ANKHD1: variants seen among roughly 807,000 people sequenced by gnomAD.
ANKHD1 encodes ankyrin repeat and KH domain containing 1.
Under a neutral mutation model 230.5 loss-of-function variants are expected in ANKHD1, and 31 were observed. That is an observed-to-expected ratio of 0.13 (90% CI 0.10 to 0.18). The LOEUF (loss-of-function observed/expected upper bound fraction) is 0.18. Among genes scored for constraint, ANKHD1 ranks in the 10% least tolerant of loss-of-function variants. The probability of loss-of-function intolerance (pLI) is 1.00; values close to 1 mark genes in which losing one functional copy is unlikely to be tolerated. For missense variants in ANKHD1, 2,256 were observed against 3,071.3 expected, an observed-to-expected ratio of 0.73 and a Z score of 6.27; for synonymous variants, 1,074 against 1,117.6, an observed-to-expected ratio of 0.96 and a Z score of 0.78.
At chr5:140,532,116 G>T (rs1039701253) in intron 29 of ANKHD1, among the ~76,000 whole-genome samples, 1 of 151,644 alleles carries the variant, frequency 6.6e-6, no homozygotes, top group South Asian at 2.1e-4. Context: ...CCGAGGCAGG[G>T]GAATCACTTG....
At chr5:140,456,515 A>G (rs900117630) in intron 7 of ANKHD1, among the ~76,000 whole-genome samples, 5 of 152,216 alleles carry the variant, frequency 3.3e-5, no homozygotes, top group Non-Finnish European at 5.9e-5. Context: ...AAACAGAGAT[A>G]TAGACCAATG....
intron 9 of ANKHD1, among the ~76,000 whole-genome samples, chr5:140,464,296 G>A (rs965104316): frequency 2.0e-5 from 3 of 150,914 alleles, no homozygotes; most frequent in Non-Finnish European, 4.4e-5. Context: ...CTGTTCTCAC[G>A]AAATAATTGC....
intron 24 of ANKHD1, among the ~76,000 whole-genome samples, chr5:140,521,550 G>A (rs1443053148): frequency 6.6e-6 from 1 of 152,192 alleles, no homozygotes; most frequent in Non-Finnish European, 1.5e-5. Context: ...GATTTTTACA[G>A]TGAAATTTAT....
At chr5:140,416,228 A>G (rs1342797850) in intron 1 of ANKHD1, among the ~76,000 whole-genome samples, 1 of 152,200 alleles carries the variant, frequency 6.6e-6, no homozygotes, top group African/African-American at 2.4e-5. Context: ...TGCTATTGTG[A>G]ATAGTGCCGC....
At chr5:140,458,969 T>TGC (rs1230954294) in intron 8 of ANKHD1, 107 bp downstream of exon 8, 2 of 23,980 alleles carry the variant, frequency 8.3e-5, no homozygotes, top group Non-Finnish European at 1.6e-4. Flanking sequence ...TATATATATA[T>TGC]ATATATATAT....
Position 140,528,337 on chromosome 5 carries a change from T to C in ANKHD1, c.5391T>C (p.Gly1797=). ...ATGCTAACTTCTCATCTGGAGTAGG[T>C]ACCACAGCAGCTTCCAGTAAAAATG... ...SIHANFSSGV[G]TTAASSKNAF... The change falls in exon 29 of 34, where the codon GGT becomes GGC. Residue 1797 remains glycine (G), a synonymous_variant. Coordinates refer to ENST00000360839, the MANE Select transcript of ANKHD1 (RefSeq NM_017747.3). 1 of 1,614,128 alleles carries C rather than the reference T, an allele frequency of 6.2e-7. No homozygotes were observed. The highest frequency in any genetic ancestry group is 8.5e-7 in the Non-Finnish European group (1 of 1,180,008).
rs527577257 is a variant in ANKHD1 at position 140,410,426 on chromosome 5, C to G, written c.306+8153C>G. ...AGATGAATTCAAAATCAGTTCTGGCCTTCTGATTCAGTGATCACTAATATA... is the reference window on the plus strand; with the variant it reads ...AGATGAATTCAAAATCAGTTCTGGCGTTCTGATTCAGTGATCACTAATATA... On this transcript the variant is annotated intron_variant, in intron 1 of 33. Coordinates refer to ENST00000360839, the MANE Select transcript of ANKHD1 (RefSeq NM_017747.3). Among the ~76,000 whole-genome samples, 205 of 152,158 alleles carry G rather than the reference C, an allele frequency of 1.3e-3. 3 individuals carry two copies. Among genetic ancestry groups the G allele is most frequent in the Middle Eastern group, 6.8e-3 (2 of 292 alleles).
intron 24 of ANKHD1, among the ~76,000 whole-genome samples, chr5:140,520,957 A>G (rs1396854406): frequency 6.6e-6 from 1 of 151,848 alleles, no homozygotes. Context: ...ACTATCCAGT[A>G]TCCTAGGATG....
chr5:140,432,734 T>C (rs1266120138), intron 1 of ANKHD1, among the ~76,000 whole-genome samples: 1 of 152,002 alleles, frequency 6.6e-6, no homozygotes, highest in Non-Finnish European at 1.5e-5. Flanking sequence ...TAAGAGACAG[T>C]GTCTTGCTCT....
chr5:140,456,878 G>C (rs1372769239), intron 7 of ANKHD1, among the ~76,000 whole-genome samples: 1 of 152,140 alleles, frequency 6.6e-6, no homozygotes, highest in Non-Finnish European at 1.5e-5. Flanking sequence ...AAACTAAAGA[G>C]CTTCTGCACA....
intron 6 of ANKHD1, 129 bp from the exon 7 acceptor site, chr5:140,449,082 T>G: frequency 2.0e-6 from 2 of 982,790 alleles, no homozygotes; most frequent in South Asian, 1.8e-5. Flanking sequence ...TGTTACTGAT[T>G]TATTTATTGA....
At chr5:140,505,585 A>G in intron 17 of ANKHD1, 139 bp from the exon 18 acceptor site, 1 of 1,279,946 alleles carries the variant, frequency 7.8e-7, no homozygotes, top group Non-Finnish European at 1.0e-6. Flanking sequence ...ATTAGGGTTT[A>G]GAGCAGTTTT....
intron 1 of ANKHD1, among the ~76,000 whole-genome samples, chr5:140,410,967 T>C (rs1770875583): frequency 6.6e-6 from 1 of 152,176 alleles, no homozygotes. Context: ...GGGATTTGAA[T>C]GTGATACTGA....
chr5:140,425,101 T>C (rs747624842), intron 1 of ANKHD1, among the ~76,000 whole-genome samples: 1 of 152,220 alleles, frequency 6.6e-6, no homozygotes, highest in African/African-American at 2.4e-5. Context: ...TAATAGATTC[T>C]GTGTTAAAGC....
Position 140,445,929 on chromosome 5 carries a change from T to C in ANKHD1, c.1101T>C (p.His367=). 5 of 1,609,752 alleles carry C rather than the reference T, an allele frequency of 3.1e-6. No individual in the cohort carries two copies. Among genetic ancestry groups the C allele is most frequent in the Non-Finnish European group, 4.2e-6 (5 of 1,177,390 alleles). The change falls in exon 6 of 34, where the codon CAT becomes CAC. Residue 367 remains histidine, a synonymous_variant. Coordinates refer to ENST00000360839, the MANE Select transcript of ANKHD1 (RefSeq NM_017747.3). ...ATCATGGTGCAGGCATCAACACTCA[T>C]TCTAATGAATTCAAAGAAAGTGCTC... ...LLDHGAGINT[H]SNEFKESALT...
chr5:140,526,171 A>G lies in ANKHD1; in HGVS notation c.4668A>G (p.Thr1556=), dbSNP rs1178031465. Reference sequence around the variant, plus strand: ...ACAAAACAAAAGAAACCCCTCCTACAGCACATTTAATTTTACCAGAACAAC... The same window carrying G: ...ACAAAACAAAAGAAACCCCTCCTACGGCACATTTAATTTTACCAGAACAAC... ...KKNKTKETPP[T]AHLILPEQHM... is the part of the protein sequence containing the mutation. The change falls in exon 26 of 34, where the codon ACA becomes ACG. Residue 1556 remains threonine (T), a synonymous_variant. Transcript: ENST00000360839. 3 of 1,613,672 alleles carry G rather than the reference A, an allele frequency of 1.9e-6. No individual in the cohort carries two copies. Among genetic ancestry groups the G allele is most frequent in the Non-Finnish European group, 2.5e-6 (3 of 1,179,976 alleles).
chr5:140,529,624 G>A lies in ANKHD1; in HGVS notation c.6678G>A (p.Gln2226=). ...ATAGTAGTCAGGTGCCAGCTAACCA[G>A]GGCTGGGGAGATGGTCCACTGTCCT... ...LFDSSQVPAN[Q]GWGDGPLSSR... is the part of the protein sequence containing the mutation. Residue 2226 remains glutamine (Q), a synonymous_variant, in exon 29 of 34, where the codon CAG becomes CAA. Coordinates refer to ENST00000360839, the MANE Select transcript of ANKHD1 (RefSeq NM_017747.3). The A allele has an allele frequency of 6.2e-7, 1 of 1,614,152 alleles. No individual in the cohort carries two copies.
chr5:140,529,014 C>T lies in ANKHD1; in HGVS notation c.6068C>T (p.Ala2023Val). Residue 2023 changes from alanine to valine, a missense_variant, in exon 29 of 34, where the codon GCT becomes GTT. Transcript: ENST00000360839. ...LSSQKMESFSAVPPTKEKVST... is the reference protein window; with the variant it reads ...LSSQKMESFSVVPPTKEKVST... Reference sequence around the variant, plus strand: ...TCACAAAAGATGGAGTCTTTCTCTGCTGTGCCACCCACCAAAGAGAAAGTG... The same window carrying T: ...TCACAAAAGATGGAGTCTTTCTCTGTTGTGCCACCCACCAAAGAGAAAGTG... 1 of 1,614,096 alleles carries T rather than the reference C, an allele frequency of 6.2e-7. No homozygotes were observed. Among genetic ancestry groups the T allele is most frequent in the Non-Finnish European group, 8.5e-7 (1 of 1,180,034 alleles).
At chr5:140,431,824 G>A (rs988212595) in intron 1 of ANKHD1, among the ~76,000 whole-genome samples, 3 of 152,200 alleles carry the variant, frequency 2.0e-5, no homozygotes, top group Non-Finnish European at 2.9e-5. Context: ...AGCCTCTGAA[G>A]CAAGGGACAC....
Sources: allele counts gnomAD v4.1 joint callset (sites outside exome capture counted in the v4.1 genomes callset), GRCh38; gene constraint gnomAD v4.1.1; transcripts MANE v1.5; gene names NCBI Gene and HGNC (gene_info 2026-07-23, HGNC 2026-07-21).